The following KCNK2 variants were observed in gnomAD, a reference collection of about 807,000 sequenced individuals.
KCNK2 encodes potassium two pore domain channel subfamily K member 2.
In KCNK2, 21 loss-of-function variants were observed where a neutral mutation model predicts 40.5. The ratio of observed to expected loss-of-function variants is 0.52; its 90% CI spans 0.37 to 0.75. The LOEUF (loss-of-function observed/expected upper bound fraction) is 0.75. KCNK2 is among the 30% of genes least tolerant of loss of function. The probability of loss-of-function intolerance (pLI) is 0.00; values close to 1 mark genes in which losing one functional copy is unlikely to be tolerated. For missense variants in KCNK2, 399 were observed against 531.6 expected (o/e 0.75, Z 2.45); for synonymous variants, 191 against 202.2 (o/e 0.94, Z 0.47).
intron 5 of KCNK2, among the ~76,000 whole-genome samples, chr1:215,187,851 A>T (rs1290131947): frequency 2.9e-5 from 4 of 137,044 alleles, no homozygotes; most frequent in African/African-American, 1.2e-4. Context: ...CAAAAATTTA[A>T]AAAAAAAAAA....
chr1:215,088,152 C>G (rs898171058), intron 2 of KCNK2, among the ~76,000 whole-genome samples: 1 of 151,918 alleles, frequency 6.6e-6, no homozygotes, highest in Non-Finnish European at 1.5e-5. Context: ...CTTTGGGCCA[C>G]ATAGACCTAT....
chr1:215,198,602 G>A (rs1571719475), intron 6 of KCNK2, among the ~76,000 whole-genome samples: 1 of 152,160 alleles, frequency 6.6e-6, no homozygotes, highest in Non-Finnish European at 1.5e-5. Flanking sequence ...TGTCATCTCT[G>A]TGTAAATGAA....
intron 5 of KCNK2, among the ~76,000 whole-genome samples, chr1:215,188,121 C>A (rs2086985185): frequency 6.6e-6 from 1 of 152,134 alleles, no homozygotes; most frequent in Non-Finnish European, 1.5e-5. Flanking sequence ...CCAAATACAT[C>A]ATCATGGAAT....
At chr1:215,013,301 A>C (rs935600597) in intron 1 of KCNK2, among the ~76,000 whole-genome samples, 2 of 152,188 alleles carry the variant, frequency 1.3e-5, no homozygotes, top group African/African-American at 4.8e-5. Context: ...CCTGTATACC[A>C]TAATTTAGTA....
At chr1:215,056,801 A>G (rs759281907) in intron 1 of KCNK2, among the ~76,000 whole-genome samples, 1 of 152,050 alleles carries the variant, frequency 6.6e-6, no homozygotes, top group Non-Finnish European at 1.5e-5. Context: ...TAAAAAGTTC[A>G]GTCAGGCTGC....
At chr1:215,046,525 C>T (rs1297600365) in intron 1 of KCNK2, among the ~76,000 whole-genome samples, 4 of 151,996 alleles carry the variant, frequency 2.6e-5, no homozygotes, top group African/African-American at 9.7e-5. Context: ...TGAAAGCTCA[C>T]AGGCCAAAAA....
intron 1 of KCNK2, among the ~76,000 whole-genome samples, chr1:215,026,134 T>C (rs1656991626): frequency 6.6e-6 from 1 of 152,072 alleles, no homozygotes; most frequent in African/African-American, 2.4e-5. Context: ...TTTTTGGCCA[T>C]TTGGATTTAC....
intron 1 of KCNK2, among the ~76,000 whole-genome samples, chr1:215,034,152 T>A (rs1483683459): frequency 6.6e-6 from 1 of 152,222 alleles, no homozygotes; most frequent in Non-Finnish European, 1.5e-5. Context: ...TTGACTTTTT[T>A]AGTTTATTCA....
intron 2 of KCNK2, among the ~76,000 whole-genome samples, chr1:215,110,597 A>C (rs1216786949): frequency 6.6e-6 from 1 of 152,056 alleles, no homozygotes; most frequent in Non-Finnish European, 1.5e-5. Context: ...ACAGCATCAC[A>C]TGGTTTCGAC....
chr1:215,019,204 G>C (rs993474810), intron 1 of KCNK2, among the ~76,000 whole-genome samples: 23 of 152,296 alleles, frequency 1.5e-4, no homozygotes, highest in African/African-American at 5.5e-4. Context: ...CAGCTGTCTA[G>C]TAGAGTGATT....
chr1:215,209,202 A>G (rs1223631613), intron 6 of KCNK2, among the ~76,000 whole-genome samples: 1 of 137,126 alleles, frequency 7.3e-6, no homozygotes, highest in Non-Finnish European at 1.5e-5. Context: ...ATATATATAT[A>G]TAAAATATAC....
intron 3 of KCNK2, among the ~76,000 whole-genome samples, chr1:215,153,990 A>G (rs1054947448): frequency 2.0e-5 from 3 of 152,146 alleles, no homozygotes; most frequent in Admixed American, 6.5e-5. Context: ...TATCCAGTCT[A>G]TCATTGATGG....
chr1:215,192,869 AAAAG>A (rs1472693217), intron 5 of KCNK2, among the ~76,000 whole-genome samples: 1 of 152,174 alleles, frequency 6.6e-6, no homozygotes, highest in Non-Finnish European at 1.5e-5. Context: ...TTTTTGTCCC[AAAAG>A]AAAGCTGAAC....
At chr1:215,169,488 C>G (rs1346365686) in intron 4 of KCNK2, 129 bp downstream of exon 4, 10 of 664,782 alleles carry the variant, frequency 1.5e-5, no homozygotes, top group Admixed American at 6.3e-5. Context: ...TTATATGCAT[C>G]TCTACTGGCA....
At chr1:215,044,753 G>T (rs1024570912) in intron 1 of KCNK2, among the ~76,000 whole-genome samples, 1 of 151,782 alleles carries the variant, frequency 6.6e-6, no homozygotes, top group East Asian at 1.9e-4. Context: ...ATCCTGATGG[G>T]CTGTGGTGGT....
intron 2 of KCNK2, among the ~76,000 whole-genome samples, chr1:215,102,238 A>G (rs1660254479): frequency 6.6e-6 from 1 of 152,028 alleles, no homozygotes; most frequent in Non-Finnish European, 1.5e-5. Flanking sequence ...CCAGTGGGAC[A>G]AGATGTGGAG....
At chr1:215,177,846 C>A (rs570079246) in intron 5 of KCNK2, among the ~76,000 whole-genome samples, 1 of 143,468 alleles carries the variant, frequency 7.0e-6, no homozygotes, top group Non-Finnish European at 1.5e-5. Flanking sequence ...TTTAGGATTA[C>A]TTTGACTGTT....
intron 1 of KCNK2, among the ~76,000 whole-genome samples, chr1:215,007,184 G>GTGTGT (rs1656201261): frequency 6.2e-5 from 1 of 16,218 alleles, no homozygotes; most frequent in African/African-American, 1.4e-4. Flanking sequence ...TATGTGTGTG[G>GTGTGT]GTATATATAT....
intron 5 of KCNK2, among the ~76,000 whole-genome samples, chr1:215,194,187 G>C (rs1664775482): frequency 6.6e-6 from 1 of 152,076 alleles, no homozygotes; most frequent in East Asian, 1.9e-4. Flanking sequence ...ACTAAACAAA[G>C]GGTGTGTTGA....
Sources: gnomAD v4.1 joint callset for allele counts (sites outside exome capture counted in the v4.1 genomes callset) on GRCh38, gnomAD v4.1.1 for gene constraint, MANE v1.5 for transcripts, NCBI Gene and HGNC (gene_info 2026-07-23, HGNC 2026-07-21) for gene names.